The following MPC2 variants were observed in gnomAD, a reference collection of about 807,000 sequenced individuals.
The protein encoded by MPC2 is brain protein 44.
A neutral mutation model predicts 19.2 loss-of-function variants in MPC2; 19 were observed. The observed-to-expected ratio is 0.99, with a 90% CI of 0.69 to 1.45. The LOEUF is 1.45. MPC2 is among the 40% of genes most tolerant of loss of function. MPC2 has a pLI of 0.00. For synonymous variants in MPC2, 61 were observed against 54.3 expected (o/e 1.12, Z -0.54); for missense variants, 122 against 153.0 (o/e 0.80, Z 1.07).
At chr1:167,930,400 T>C (rs755887808) in intron 2 of MPC2, among the ~76,000 whole-genome samples, 2 of 152,290 alleles carry the variant, frequency 1.3e-5, no homozygotes, top group East Asian at 3.9e-4. Context: ...CACTCATAAA[T>C]CAGGCAAATG....
At chr1:167,926,588 T>C (rs936223824) in intron 2 of MPC2, among the ~76,000 whole-genome samples, 2 of 152,234 alleles carry the variant, frequency 1.3e-5, no homozygotes, top group Non-Finnish European at 2.9e-5. Flanking sequence ...GCATTTTTAG[T>C]TGCCCCAACT....
chr1:167,933,740 C>T (rs1670979721), intron 2 of MPC2, among the ~76,000 whole-genome samples: 2 of 152,138 alleles, frequency 1.3e-5, no homozygotes, highest in African/African-American at 2.4e-5. Flanking sequence ...TTATTCAATA[C>T]TCATCAGTCA....
intron 2 of MPC2, among the ~76,000 whole-genome samples, chr1:167,933,152 T>C (rs2102560257): frequency 1.3e-5 from 2 of 150,928 alleles, no homozygotes; most frequent in South Asian, 4.2e-4. Flanking sequence ...TATGTATCTA[T>C]ACATAAAAAC....
intron 2 of MPC2, among the ~76,000 whole-genome samples, chr1:167,928,381 C>T (rs903674931): frequency 1.3e-5 from 2 of 151,322 alleles, no homozygotes; most frequent in African/African-American, 2.4e-5. Flanking sequence ...TTAACCCTTT[C>T]ATTGTAGCTA....
chr1:167,930,034 T>C (rs138256796), intron 2 of MPC2, among the ~76,000 whole-genome samples: 2 of 152,304 alleles, frequency 1.3e-5, no homozygotes, highest in Admixed American at 6.5e-5. Flanking sequence ...TTGACATGGA[T>C]ACTGACGGCC....
intron 3 of MPC2, among the ~76,000 whole-genome samples, chr1:167,921,425 T>G (rs1670598320): frequency 6.6e-6 from 1 of 152,148 alleles, no homozygotes; most frequent in South Asian, 2.1e-4. Context: ...TTTCACCATG[T>G]TGGCCAGGCT....
chr1:167,934,762 T>G (rs900396817), intron 2 of MPC2, among the ~76,000 whole-genome samples: 1 of 152,188 alleles, frequency 6.6e-6, no homozygotes, highest in African/African-American at 2.4e-5. Context: ...ACTTCAGTCT[T>G]TCAATTTACA....
At chr1:167,933,634 T>A (rs1187854156) in intron 2 of MPC2, among the ~76,000 whole-genome samples, 1 of 152,236 alleles carries the variant, frequency 6.6e-6, no homozygotes, top group Non-Finnish European at 1.5e-5. Context: ...CAATGACAAT[T>A]CAATAACAAA....
intron 5 of MPC2, 125 bp from the exon 6 acceptor site, chr1:167,918,484 A>C: frequency 1.8e-6 from 1 of 562,298 alleles, no homozygotes; most frequent in East Asian, 3.1e-5. Flanking sequence ...AGTTGTAAAC[A>C]GAATCTTCCC....
At chr1:167,920,484 A>G in intron 4 of MPC2, 63 bp downstream of exon 4, 3 of 1,538,328 alleles carry the variant, frequency 2.0e-6, no homozygotes, top group Non-Finnish European at 2.7e-6. Context: ...ATAAACTGAT[A>G]TAAAAGAAAA....
chr1:167,925,962 C>A (rs977048323), intron 2 of MPC2, among the ~76,000 whole-genome samples: 11 of 152,192 alleles, frequency 7.2e-5, no homozygotes, highest in African/African-American at 2.7e-4. Context: ...TGCTGATTTT[C>A]TAATTTAATC....
At chr1:167,924,080 C>T (rs546287108) in intron 3 of MPC2, among the ~76,000 whole-genome samples, 2 of 152,266 alleles carry the variant, frequency 1.3e-5, no homozygotes, top group African/African-American at 2.4e-5. Flanking sequence ...TATTTATATT[C>T]GAATAAATCC....
At chr1:167,923,526 G>C (rs552168796) in intron 3 of MPC2, among the ~76,000 whole-genome samples, 68 of 152,250 alleles carry the variant, frequency 4.5e-4, no homozygotes, top group African/African-American at 1.5e-3. Context: ...TAGAATGGTG[G>C]TTGCCAGGGA....
At chr1:167,930,412 G>A (rs1557856255) in intron 2 of MPC2, among the ~76,000 whole-genome samples, 3 of 152,080 alleles carry the variant, frequency 2.0e-5, no homozygotes, top group Admixed American at 6.6e-5. Context: ...AGGCAAATGA[G>A]GCCCAGTAAA....
At chr1:167,932,418 AC>A (rs1419702783) in intron 2 of MPC2, among the ~76,000 whole-genome samples, 1 of 152,208 alleles carries the variant, frequency 6.6e-6, no homozygotes, top group Non-Finnish European at 1.5e-5. Flanking sequence ...CATTGTGTGC[AC>A]CCCTTGGGAT....
At chr1:167,929,425 G>A (rs963879811) in intron 2 of MPC2, among the ~76,000 whole-genome samples, 2 of 152,076 alleles carry the variant, frequency 1.3e-5, no homozygotes, top group Admixed American at 6.5e-5. Context: ...GAAAAATACT[G>A]ACTATAAGTT....
intron 2 of MPC2, among the ~76,000 whole-genome samples, chr1:167,925,474 T>TACAC (rs1553200837): frequency 1.0e-5 from 1 of 96,832 alleles, no homozygotes; most frequent in South Asian, 3.0e-4. Flanking sequence ...TATATATATA[T>TACAC]ACATATACAT....
Position 167,937,056 on chromosome 1 carries a change from G to A in MPC2, c.-175C>T. On this transcript the variant is annotated 5_prime_UTR_variant, in exon 1 of 6. Transcript: ENST00000271373. ...AGGCGCTGAGGTCGCCGCCTAGAGT[G>A]GGGGAGGGGGCACGCTGCCGGGTCT... The A allele has an allele frequency of 1.3e-6, 2 of 1,493,254 alleles. No individual in the cohort carries two copies. Among genetic ancestry groups the A allele is most frequent in the Non-Finnish European group, 1.8e-6 (2 of 1,085,828 alleles). 92.5% of individuals were successfully genotyped at this position (1,493,254 alleles called of 1,614,324 possible). A position where few individuals can be genotyped will look rare whatever the true frequency, so the allele number is the denominator to read the frequency against.
chr1:167,923,683 T>C (rs146935270), intron 3 of MPC2, among the ~76,000 whole-genome samples: 28 of 152,052 alleles, frequency 1.8e-4, no homozygotes, highest in African/African-American at 5.3e-4. Flanking sequence ...GTAAGTTTTA[T>C]ATGTATTTTA....
Sources: allele counts gnomAD v4.1 joint callset (sites outside exome capture counted in the v4.1 genomes callset), GRCh38; gene constraint gnomAD v4.1.1; transcripts MANE v1.5; gene names NCBI Gene and HGNC (gene_info 2026-07-23, HGNC 2026-07-21).